SUCO: variants seen among roughly 807,000 people sequenced by gnomAD.
SUCO encodes SUN domain-containing ossification factor.
Under a neutral mutation model 148.1 loss-of-function variants are expected in SUCO, and 57 were observed. The observed-to-expected ratio is 0.38, with a 90% confidence interval of 0.31 to 0.48. SUCO has a LOEUF of 0.48. Ranked by LOEUF, SUCO falls within the 20% of genes least tolerant of loss-of-function variation. The pLI is 0.96. For missense variants in SUCO, 1,331 were observed against 1,468.2 expected (o/e 0.91, Z 1.53); for synonymous variants, 470 against 502.7 (o/e 0.93, Z 0.87).
intron 22 of SUCO, chr1:172,607,963 C>T: frequency 5.1e-6 from 2 of 392,806 alleles, no homozygotes; most frequent in Non-Finnish European, 3.5e-6. Context: ...TTGTCTCTGT[C>T]AGACCTTAAA....
chr1:172,532,401 G>A (rs1427639611), upstream of SUCO: 6 of 1,197,778 alleles, frequency 5.0e-6, no homozygotes, highest in East Asian at 2.5e-5. Context: ...CTTAAAGTGA[G>A]GAACCCGGCA....
At chr1:172,592,336 C>T (rs1244922015) in intron 19 of SUCO, among the ~76,000 whole-genome samples, 1 of 152,200 alleles carries the variant, frequency 6.6e-6, no homozygotes, top group Non-Finnish European at 1.5e-5. Flanking sequence ...GTGTTTTAGT[C>T]ATGATGTCCT....
Position 172,553,270 on chromosome 1 carries a change from A to C in SUCO, c.188A>C (p.Glu63Ala). Residue 63 changes from glutamate to alanine, a missense_variant, in exon 3 of 24, where the codon GAG becomes GCG. By Grantham distance (107) the Glu-to-Ala change is moderately radical. Coordinates refer to ENST00000263688, the MANE Select transcript of SUCO (RefSeq NM_014283.5). Reference protein sequence around the residue: ...DVQFQKKDEREGPINAESLGK... With the variant: ...DVQFQKKDERAGPINAESLGK... ...GTTGTTGTTATATAGGATGAAAGAGAGGGACCTATCAATGCCGAATCATTG... is the reference window on the plus strand; with the variant it reads ...GTTGTTGTTATATAGGATGAAAGAGCGGGACCTATCAATGCCGAATCATTG... The C allele has an allele frequency of 6.3e-7, 1 of 1,588,666 alleles. No individual in the cohort carries two copies. The highest frequency in any genetic ancestry group is 8.6e-7 in the Non-Finnish European group (1 of 1,164,502).
chr1:172,608,473 G>C (rs1657997945), intron 22 of SUCO: 1 of 430,936 alleles, frequency 2.3e-6, no homozygotes, highest in Non-Finnish European at 4.1e-6. Flanking sequence ...TATTGTATTG[G>C]TTGATAACCA....
intron 3 of SUCO, 77 bp from the exon 4 acceptor site, chr1:172,555,791 TC>T: frequency 8.7e-7 from 1 of 1,145,568 alleles, no homozygotes. Context: ...AGAAATGCTT[TC>T]CATAAATGCC....
Position 172,570,150 on chromosome 1 carries a change from A to G in SUCO, c.960A>G (p.Leu320=). The change falls in exon 8 of 24, where the codon CTA becomes CTG. Residue 320 remains leucine (L), a synonymous_variant. Transcript: ENST00000263688. ...YASVECGAKI[L]AANPEAKSTS... ...CAGTAGAATGTGGTGCCAAAATTCTAGCAGCTAATCCAGAAGCCAAGGTAG... is the reference window on the plus strand; with the variant it reads ...CAGTAGAATGTGGTGCCAAAATTCTGGCAGCTAATCCAGAAGCCAAGGTAG... The G allele has an allele frequency of 6.3e-7, 1 of 1,586,008 alleles. No individual in the cohort carries two copies. Among genetic ancestry groups the G allele is most frequent in the Non-Finnish European group, 8.6e-7 (1 of 1,164,892 alleles).
At chr1:172,535,208 T>C (rs937923714) in intron 1 of SUCO, among the ~76,000 whole-genome samples, 1 of 152,330 alleles carries the variant, frequency 6.6e-6, no homozygotes, top group African/African-American at 2.4e-5. Context: ...AATAAACTTC[T>C]GTCAAGTTTT....
At chr1:172,532,978 C>T (rs2149211464), upstream of SUCO, 6 of 1,384,528 alleles carry the variant, frequency 4.3e-6, no homozygotes, top group Non-Finnish European at 5.7e-6. Context: ...GTGGCCTGCG[C>T]AGAGGCTGGT....
chr1:172,537,931 T>C (rs1321045926), intron 1 of SUCO, among the ~76,000 whole-genome samples: 1 of 152,222 alleles, frequency 6.6e-6, no homozygotes, highest in African/African-American at 2.4e-5. Flanking sequence ...GCAGGATGGA[T>C]AGTTCACAAT....
At chr1:172,551,698 A>G (rs1653312792) in intron 2 of SUCO, 72 bp downstream of exon 2, 1 of 963,228 alleles carries the variant, frequency 1.0e-6, no homozygotes, top group South Asian at 1.8e-5. Flanking sequence ...ATTCAGAATA[A>G]AAGTAATTTC....
chr1:172,603,307 T>C (rs1398919854), intron 22 of SUCO: 4 of 152,118 alleles, frequency 2.6e-5, no homozygotes, highest in Non-Finnish European at 2.9e-5. Flanking sequence ...TGAGTGGATA[T>C]TTTCCTATTT....
At chr1:172,535,685 C>A (rs2022069) in intron 1 of SUCO, among the ~76,000 whole-genome samples, 3,093 of 152,254 alleles carry the variant, frequency 0.02, 109 homozygotes, top group African/African-American at 0.071. Context: ...ACTTTTGTCT[C>A]TTTTGTTATT....
chr1:172,572,801 A>G (rs1225832574), intron 9 of SUCO, among the ~76,000 whole-genome samples: 1 of 151,820 alleles, frequency 6.6e-6, no homozygotes, highest in African/African-American at 2.4e-5. Context: ...GAAAGATACA[A>G]TGAGAGTAGG....
chr1:172,584,335 A>C (rs1656087616), intron 15 of SUCO: 1 of 905,466 alleles, frequency 1.1e-6, no homozygotes. Context: ...TTTTAAAGAA[A>C]AATAGGTTTT....
At chr1:172,603,410 G>T (rs1371764159) in intron 22 of SUCO, among the ~76,000 whole-genome samples, 2 of 151,802 alleles carry the variant, frequency 1.3e-5, no homozygotes, top group Non-Finnish European at 2.9e-5. Flanking sequence ...TTTTATTTAG[G>T]AGTGCTTTCT....
rs1211431525 is a variant in SUCO at position 172,585,029 on chromosome 1, A to G, written c.1510A>G (p.Asn504Asp). The stretch of plus-strand genomic sequence containing the variant: ...GAATTTTGTTTTAGATGCCATTCTA[A>G]ATATGGTGAATATTGCTGCTAATAT... ...LLGSATNAIL[N>D]MVNIAANILG... Residue 504 changes from asparagine to aspartate, a missense_variant, in exon 16 of 24, where the codon AAT (asparagine) becomes GAT (aspartate). Physicochemically the swap from Asn to Asp is conservative, Grantham distance 23. Coordinates refer to ENST00000263688, the MANE Select transcript of SUCO (RefSeq NM_014283.5). 1 of 1,600,454 alleles carries G rather than the reference A, an allele frequency of 6.2e-7. No individual in the cohort carries two copies. Among genetic ancestry groups the G allele is most frequent in the African/African-American group, 1.3e-5 (1 of 74,500 alleles).
intron 1 of SUCO, 28 bp downstream of exon 1, chr1:172,533,525 C>T (rs1183298037): frequency 1.3e-6 from 2 of 1,518,842 alleles, no homozygotes; most frequent in Non-Finnish European, 1.8e-6. Context: ...CAAGGGAGTT[C>T]CCGTGAGGGG....
intron 19 of SUCO, among the ~76,000 whole-genome samples, chr1:172,599,727 A>T (rs1313600176): frequency 6.6e-6 from 1 of 152,188 alleles, no homozygotes; most frequent in Non-Finnish European, 1.5e-5. Flanking sequence ...GACTTCTTAA[A>T]TATTTCTGGT....
chr1:172,532,943 C>T, upstream of SUCO: 1 of 1,363,600 alleles, frequency 7.3e-7, no homozygotes, highest in Admixed American at 2.8e-5. Flanking sequence ...CCTCCGGCTT[C>T]TCCGCCTGCG....
Sources: allele counts gnomAD v4.1 joint callset (sites outside exome capture counted in the v4.1 genomes callset), GRCh38; gene constraint gnomAD v4.1.1; transcripts MANE v1.5; gene names NCBI Gene and HGNC (gene_info 2026-07-23, HGNC 2026-07-21).